Variants in BICRA observed in about 807,000 individuals in gnomAD.
BICRA encodes BRD4-interacting chromatin-remodeling complex-associated protein.
In BICRA, 31 loss-of-function variants were observed where a neutral mutation model predicts 96.9. The observed-to-expected ratio is 0.32, with a 90% CI of 0.24 to 0.43. The LOEUF (loss-of-function observed/expected upper bound fraction) is 0.43, where lower values mean the gene tolerates loss of function less well. BICRA is among the 20% of genes least tolerant of loss of function. The pLI is 1.00. For synonymous variants in BICRA, 1,350 were observed against 1,071.8 expected (o/e 1.26, Z -5.07); for missense variants, 2,283 against 2,190.3 (o/e 1.04, Z -0.84).
chr19:47,630,341 T>C (rs1193611843), intron 1 of BICRA, among the ~76,000 whole-genome samples: 1 of 151,828 alleles, frequency 6.6e-6, no homozygotes, highest in African/African-American at 2.4e-5. Flanking sequence ...TTTTTGCTTT[T>C]TGTTTTTTTT....
chr19:47,627,944 A>G (rs1457992695), intron 1 of BICRA, among the ~76,000 whole-genome samples: 3 of 152,060 alleles, frequency 2.0e-5, no homozygotes, highest in Non-Finnish European at 4.4e-5. Context: ...TAATTTCTGT[A>G]TTTTTAGTAG....
In BICRA at chr19:47,694,418, C is replaced by T. The variant is rs375127933; in HGVS notation, c.2587C>T (p.Arg863Cys). The T allele has an allele frequency of 1.1e-3, 1,156 of 1,049,466 alleles. 2 individuals are homozygous for T. The highest frequency in any genetic ancestry group is 1.6e-3 in the Non-Finnish European group (1,075 of 686,968). The allele number at this position is 1,049,466 out of a possible 1,614,324, so 65.0% of individuals were successfully genotyped here. A position where few individuals can be genotyped will look rare whatever the true frequency, so the allele number is the denominator to read the frequency against. The change falls in exon 8 of 15, where the codon CGC becomes TGC. Residue 863 changes from arginine (R) to cysteine (C), a missense_variant. Coordinates refer to ENST00000594866, the MANE Select transcript of BICRA (RefSeq NM_001394372.1). The stretch of plus-strand genomic sequence containing the variant: ...CCCAGGCCCGCCGCAGCCGCCTCTC[C>T]GCCCCCAGTCCCAGCCGCCTGAGGG... ...TAPGPPQPPL[R>C]PQSQPPEGPL...
intron 2 of BICRA, among the ~76,000 whole-genome samples, chr19:47,672,573 A>ATG (rs1453421988): frequency 1.4e-5 from 2 of 141,960 alleles, no homozygotes; most frequent in Non-Finnish European, 3.0e-5. Flanking sequence ...GGAAAGATAA[A>ATG]GAAGTGGATG....
At position 47,695,105 on chromosome 19, in the gene BICRA, C is replaced by T. The variant is rs529152600; in HGVS notation, c.3076+25C>T. 6.7e-5 allele frequency: 97 copies of T among 1,456,122 alleles called. No individual in the cohort carries two copies. The South Asian group carries it at 1.2e-3, about 18-fold the overall frequency. 90.2% of individuals were successfully genotyped at this position (1,456,122 alleles called of 1,614,324 possible). On this transcript the variant is annotated intron_variant, in intron 9 of 14. Transcript: ENST00000594866. ...GGTAGGAGAGAGGTCGCCTATGTGC[C>T]CAGGGAGACGGGGCCTGAAGATGGG...
At chr19:47,671,126 C>T (rs894344233) in intron 2 of BICRA, among the ~76,000 whole-genome samples, 2 of 152,160 alleles carry the variant, frequency 1.3e-5, no homozygotes, top group African/African-American at 2.4e-5. Flanking sequence ...ATGAAACATG[C>T]GTGTGTCATT....
chr19:47,698,599 CCG>C lies in BICRA; in HGVS notation c.3249-33_3249-32del. 1 of 938,576 alleles carries C rather than the reference CCG, an allele frequency of 1.1e-6. No homozygotes were observed. The highest frequency in any genetic ancestry group is 1.7e-6 in the Non-Finnish European group (1 of 579,034). The allele number at this position is 938,576 out of a possible 1,614,324, so 58.1% of individuals were successfully genotyped here. A position where few individuals can be genotyped will look rare whatever the true frequency, so the allele number is the denominator to read the frequency against. ...GGCCCTCACCCGTCCCCCCCACCCT[CCG>C]CCGTGTGTGGTCTCTCCCCTTTCCA... On this transcript the variant is annotated intron_variant, in intron 11 of 14. Coordinates refer to ENST00000594866, the MANE Select transcript of BICRA (RefSeq NM_001394372.1). This position sits in a 1 kb window ranked among gnomAD's most constrained non-coding sequence, Gnocchi z 4.8.
intron 1 of BICRA, among the ~76,000 whole-genome samples, chr19:47,610,660 C>G (rs1371813872): frequency 6.7e-6 from 1 of 150,324 alleles, no homozygotes; most frequent in Non-Finnish European, 1.5e-5. Flanking sequence ...TAATACAGAT[C>G]TAGGGGTGCC....
chr19:47,609,334 T>A (rs1971858580), intron 1 of BICRA, among the ~76,000 whole-genome samples, 166 bp downstream of exon 1: 1 of 142,352 alleles, frequency 7.0e-6, no homozygotes, highest in Non-Finnish European at 1.5e-5. Context: ...CGCGACACTC[T>A]CACACTCAGC....
Position 47,702,158 on chromosome 19 carries a change from AAGTCCGAGTCGCCCG to A in BICRA, c.4428_4442del (p.Lys1476_Asp1481delinsAsn). The stretch of plus-strand genomic sequence containing the variant: ...CGGGCTGCCCCCTGCCAAGCGGCGC[AAGTCCGAGTCGCCCG>A]ACGTGGACCAGGCCAGCTTCTCCAG... On this transcript the variant is annotated inframe_deletion, in exon 15 of 15. Coordinates refer to ENST00000594866, the MANE Select transcript of BICRA (RefSeq NM_001394372.1). 1 of 1,564,196 alleles carries A rather than the reference AAGTCCGAGTCGCCCG, an allele frequency of 6.4e-7. No individual in the cohort carries two copies. Among genetic ancestry groups the A allele is most frequent in the Non-Finnish European group, 8.6e-7 (1 of 1,163,000 alleles).
intron 7 of BICRA, among the ~76,000 whole-genome samples, chr19:47,683,909 T>C (rs1973105652): frequency 6.6e-6 from 1 of 152,132 alleles, no homozygotes; most frequent in Non-Finnish European, 1.5e-5. Flanking sequence ...GAGCAGTGAA[T>C]GTGGTACTCA....
Position 47,696,366 on chromosome 19 carries a change from CT to C in BICRA, c.3187-82del, listed in dbSNP as rs1973342563. 9.9e-6 allele frequency: 13 copies of C among 1,309,460 alleles called. No homozygotes were observed. The East Asian group carries it at 3.0e-4, about 30-fold the overall frequency. The allele number at this position is 1,309,460 out of a possible 1,614,324, so 81.1% of individuals were successfully genotyped here. ...GTGAGACACTGGTCCCCTGTCCCGT[CT>C]TTATCCTAGGCTAGAGGGGAAGCTG... On this transcript the variant is annotated intron_variant, in intron 10 of 14. Coordinates refer to ENST00000594866, the MANE Select transcript of BICRA (RefSeq NM_001394372.1).
chr19:47,653,015 CTTTTTTTT>C (rs869230602), intron 1 of BICRA, among the ~76,000 whole-genome samples: 2 of 113,726 alleles, frequency 1.8e-5, no homozygotes, highest in African/African-American at 7.3e-5. Flanking sequence ...CGTCCTCATT[CTTTTTTTT>C]TTTTTTTTTT....
In BICRA at chr19:47,681,042, C is replaced by G; in HGVS notation, c.1872C>G (p.Ala624=). The G allele has an allele frequency of 7.1e-7, 1 of 1,412,380 alleles. No individual in the cohort carries two copies. The highest frequency in any genetic ancestry group is 9.2e-7 in the Non-Finnish European group (1 of 1,090,926). The allele number at this position is 1,412,380 out of a possible 1,614,324, so 87.5% of individuals were successfully genotyped here. A position where few individuals can be genotyped will look rare whatever the true frequency, so the allele number is the denominator to read the frequency against. ...EAAPVLTVQP[A]PQAPPAVSTP... is the part of the protein sequence containing the mutation. The stretch of plus-strand genomic sequence containing the variant: ...CGCCTGTCCTCACGGTGCAGCCTGC[C>G]CCCCAGGCGCCCCCCGCGGTCAGCA... The change falls in exon 6 of 15, where the codon GCC becomes GCG. Residue 624 remains alanine (A), a synonymous_variant. Transcript: ENST00000594866.
intron 6 of BICRA, 37 bp downstream of exon 6, chr19:47,681,313 A>T (rs1235615113): frequency 1.3e-6 from 2 of 1,532,350 alleles, no homozygotes; most frequent in Admixed American, 3.9e-5. Context: ...GTACCGGAGG[A>T]GGCGGGTTTG....
intron 1 of BICRA, among the ~76,000 whole-genome samples, chr19:47,613,443 C>T (rs973867954): frequency 3.9e-5 from 6 of 152,122 alleles, no homozygotes; most frequent in South Asian, 2.1e-4. Context: ...TCCCTTCTCC[C>T]GCCCTGCAGG....
In BICRA at chr19:47,624,339, G is replaced by C. The variant is rs186390303; in HGVS notation, c.-108+15171G>C. Among the ~76,000 whole-genome samples, 21 of 152,226 alleles carry C rather than the reference G, an allele frequency of 1.4e-4. 1 individual carries two copies. The highest frequency in any genetic ancestry group is 3.4e-3 in the Middle Eastern group (1 of 294). On this transcript the variant is annotated intron_variant, in intron 1 of 14. Transcript: ENST00000594866. ...CTTCCCCTGCTACAAGCATACCCCA[G>C]AGAGCAGGCAGGTTAGGTTCTAGAC...
chr19:47,702,814 T>C lies in BICRA; in HGVS notation c.*399T>C. On this transcript the variant is annotated 3_prime_UTR_variant, in exon 15 of 15. Transcript: ENST00000594866. ...GTGTGGCTTCTCAGATGGTGGAGGG[T>C]GCTGGGAGCTGGCAGGGTCCTTCCA... 4.5e-6 allele frequency: 1 copy of C among 219,996 alleles called. No homozygotes were observed. The highest frequency in any genetic ancestry group is 8.9e-6 in the Non-Finnish European group (1 of 112,786). The allele number at this position is 219,996 out of a possible 1,614,324, so 13.6% of individuals were successfully genotyped here. A position where few individuals can be genotyped will look rare whatever the true frequency, so the allele number is the denominator to read the frequency against.
At chr19:47,689,199 C>T (rs1039213365) in intron 7 of BICRA, among the ~76,000 whole-genome samples, 4 of 152,004 alleles carry the variant, frequency 2.6e-5, no homozygotes, top group Admixed American at 1.3e-4. Flanking sequence ...TTTAACCCCC[C>T]GACCCCAATT....
intron 1 of BICRA, among the ~76,000 whole-genome samples, chr19:47,613,883 T>G (rs1317218287): frequency 6.6e-6 from 1 of 151,934 alleles, no homozygotes; most frequent in African/African-American, 2.4e-5. Context: ...ATTTCTAGTT[T>G]GGTGACAATT....
Sources: gnomAD v4.1 joint callset for allele counts (sites outside exome capture counted in the v4.1 genomes callset) on GRCh38, gnomAD v4.1.1 for gene constraint, Gnocchi (gnomAD v3.1) non-coding constraint, MANE v1.5 for transcripts, NCBI Gene and HGNC (gene_info 2026-07-23, HGNC 2026-07-21) for gene names.